Variants in CRYGA observed in about 807,000 individuals in gnomAD.
CRYGA encodes gamma-crystallin A.
A neutral mutation model predicts 13.8 loss-of-function variants in CRYGA; 11 were observed. The ratio of observed to expected loss-of-function variants is 0.80; its 90% confidence interval spans 0.50 to 1.32. The LOEUF (loss-of-function observed/expected upper bound fraction) is 1.32. Ranked by LOEUF, CRYGA falls within the 40% of genes most tolerant of loss-of-function variation. The pLI is 0.00. For missense variants in CRYGA, 271 were observed against 234.1 expected, an observed-to-expected ratio of 1.16 and a Z score of -1.03; for synonymous variants, 97 against 89.3, an observed-to-expected ratio of 1.09 and a Z score of -0.48.
chr2:208,160,915 G>T lies in CRYGA; in HGVS notation c.414C>A (p.Asn138Lys). 1 of 1,613,286 alleles carries T rather than the reference G, an allele frequency of 6.2e-7. No individual in the cohort carries two copies. Among genetic ancestry groups the T allele is most frequent in the Non-Finnish European group, 8.5e-7 (1 of 1,179,338 alleles). ...EGCWVLYEMP[N>K]YRGRQYLLRP... The stretch of plus-strand genomic sequence containing the variant: ...TCAGCAGATACTGCCGCCCCCGGTA[G>T]TTGGGCATTTCATAGAGGACCCAGC... The change falls in exon 3 of 3, where the codon AAC becomes AAA. Residue 138 changes from asparagine to lysine, a missense_variant. Physicochemically the swap from Asn to Lys is moderately conservative, Grantham distance 94. Transcript: ENST00000304502.
At chr2:208,161,961 G>A (rs538827819) in intron 2 of CRYGA, among the ~76,000 whole-genome samples, 12 of 150,924 alleles carry the variant, frequency 8.0e-5, no homozygotes, top group African/African-American at 1.2e-4. Context: ...TTTTTTAGAC[G>A]AAGTCTCGCT....
chr2:208,163,052 C>CT (rs541244627), intron 2 of CRYGA, 152 bp downstream of exon 2: 17,454 of 494,070 alleles, frequency 0.035, 1 homozygote, highest in East Asian at 0.054. Context: ...ATTATTGTTA[C>CT]TTTTTTTTTT....
rs1215147970 is a variant in CRYGA, at chr2:208,163,572, G to T, written c.-16C>A. ...CCTTCCCCATGGTTGTTGACAGAGG[G>T]TGATTAGCATCTAGTATGATAGGGA... is the stretch of plus-strand genomic sequence containing the variant. On this transcript the variant is annotated 5_prime_UTR_variant, in exon 1 of 3. Transcript: ENST00000304502. 6.2e-6 allele frequency: 10 copies of T among 1,609,124 alleles called. No homozygotes were observed. The highest frequency in any genetic ancestry group is 8.5e-6 in the Non-Finnish European group (10 of 1,178,554).
At position 208,163,269 on chromosome 2, in the gene CRYGA, A is replaced by G; in HGVS notation, c.187T>C (p.Tyr63His). 1.9e-6 allele frequency: 3 copies of G among 1,614,050 alleles called. No homozygotes were observed. The highest frequency in any genetic ancestry group is 1.1e-5 in the South Asian group (1 of 91,070). ...CCCATCCAGTGCTGATAGTCGGGGT[A>G]CTTGCCTCGGCGCAGGAAGTACTGG... ...GHQYFLRRGK[Y>H]PDYQHWMGLS... is the part of the protein sequence containing the mutation. The change falls in exon 2 of 3, where the codon TAC (tyrosine) becomes CAC (histidine). Residue 63 changes from tyrosine to histidine, a missense_variant. Transcript: ENST00000304502.
chr2:208,163,223 G>T lies in CRYGA; in HGVS notation c.233C>A (p.Ser78Tyr). The T allele has an allele frequency of 1.2e-6, 2 of 1,613,576 alleles. No individual in the cohort carries two copies. Among genetic ancestry groups the T allele is most frequent in the Non-Finnish European group, 1.7e-6 (2 of 1,179,884 alleles). ...ACTCACATGAGGAATTATACGGCAGGATTGGACCGAGTCGCTGAGGCCCAT... is the reference window on the plus strand; with the variant it reads ...ACTCACATGAGGAATTATACGGCAGTATTGGACCGAGTCGCTGAGGCCCAT... Reference protein sequence around the residue: ...HWMGLSDSVQSCRIIPHTSSH... With the variant: ...HWMGLSDSVQYCRIIPHTSSH... The change falls in exon 2 of 3, where the codon TCC becomes TAC. Residue 78 changes from serine to tyrosine, a missense_variant. Coordinates refer to ENST00000304502, the MANE Select transcript of CRYGA (RefSeq NM_014617.4).
In CRYGA at chr2:208,163,397, A is replaced by T. The variant is rs943644658; in HGVS notation, c.59T>A (p.Ile20Asn). ...GACCCGCAGGTTGGGGCAGTCACTG[A>T]TGCAATTGTAGCAGCGACCCTGAAA... Reference protein sequence around the residue: ...RDFQGRCYNCISDCPNLRVYF... With the variant: ...RDFQGRCYNCNSDCPNLRVYF... Residue 20 changes from isoleucine to asparagine, a missense_variant, in exon 2 of 3, where the codon ATC (isoleucine) becomes AAC (asparagine). By Grantham distance (149) the Ile-to-Asn change is moderately radical. Transcript: ENST00000304502. 1 of 1,613,874 alleles carries T rather than the reference A, an allele frequency of 6.2e-7. No individual in the cohort carries two copies.
At chr2:208,161,110 A>G (rs753780147) in intron 2 of CRYGA, 34 bp from the exon 3 acceptor site, 1 of 1,603,994 alleles carries the variant, frequency 6.2e-7, no homozygotes, top group South Asian at 1.1e-5. Flanking sequence ...ACAAAAATAA[A>G]CAGCATGCAT....
chr2:208,163,156 C>T, intron 2 of CRYGA, 48 bp downstream of exon 2: 1 of 1,520,208 alleles, frequency 6.6e-7, no homozygotes, highest in Non-Finnish European at 9.1e-7. Context: ...AATTGATGGC[C>T]ATGGATCATT....
At position 208,160,927 on chromosome 2, in the gene CRYGA, A is replaced by G. The variant is rs1322675717; in HGVS notation, c.402T>C (p.Tyr134=). Residue 134 remains tyrosine, a synonymous_variant, in exon 3 of 3, where the codon TAT becomes TAC. Transcript: ENST00000304502. ...LHVLEGCWVL[Y]EMPNYRGRQY... ...GCCGCCCCCGGTAGTTGGGCATTTC[A>G]TAGAGGACCCAGCAGCCCTCCAGTA... 2.5e-6 allele frequency: 4 copies of G among 1,613,822 alleles called. No homozygotes were observed. Among genetic ancestry groups the G allele is most frequent in the Non-Finnish European group, 3.4e-6 (4 of 1,179,860 alleles).
At chr2:208,162,516 T>C (rs1027869107) in intron 2 of CRYGA, among the ~76,000 whole-genome samples, 10 of 152,208 alleles carry the variant, frequency 6.6e-5, no homozygotes, top group Admixed American at 5.9e-4. Context: ...CAGAATACAT[T>C]ATACCTATAT....
At chr2:208,163,036 A>G (rs1323311407) in intron 2 of CRYGA, among the ~76,000 whole-genome samples, 168 bp downstream of exon 2, 1 of 151,966 alleles carries the variant, frequency 6.6e-6, no homozygotes, top group Non-Finnish European at 1.5e-5. Context: ...AGTAAGAAAA[A>G]TAGAGATTAT....
rs1406187708 is a variant in CRYGA at position 208,162,273 on chromosome 2, T to G, written c.252+931A>C. Among the ~76,000 whole-genome samples the G allele has an allele frequency of 5.2e-4, 79 of 152,260 alleles. 1 individual carries two copies. The highest frequency in any genetic ancestry group is 5.2e-3 in the Admixed American group (79 of 15,298). Reference sequence around the variant, plus strand: ...TCTTGAATCTCCTTGTCACACTACATAATTTGGTGCCAACAGAAAGTGTAA... The same window carrying G: ...TCTTGAATCTCCTTGTCACACTACAGAATTTGGTGCCAACAGAAAGTGTAA... On this transcript the variant is annotated intron_variant, in intron 2 of 2. Transcript: ENST00000304502.
At chr2:208,162,558 T>C (rs1019458650) in intron 2 of CRYGA, among the ~76,000 whole-genome samples, 5 of 152,188 alleles carry the variant, frequency 3.3e-5, no homozygotes, top group Non-Finnish European at 7.3e-5. Flanking sequence ...CTTTTCATCA[T>C]TAAAAAATAA....
At chr2:208,162,012 C>G (rs1418763634) in intron 2 of CRYGA, among the ~76,000 whole-genome samples, 2 of 152,156 alleles carry the variant, frequency 1.3e-5, no homozygotes, top group Non-Finnish European at 2.9e-5. Context: ...TCTCGGCTCA[C>G]TGCAACCTCC....
rs1421468096 is a variant in CRYGA at position 208,163,534 on chromosome 2, C to T, written c.9+14G>A. The T allele has an allele frequency of 1.2e-6, 2 of 1,610,934 alleles. No individual in the cohort carries two copies. The highest frequency in any genetic ancestry group is 1.1e-5 in the South Asian group (1 of 90,786). ...ACCCCCAATAGACATGGCACAGCACCTCCACAGGCTCACCTTCCCCATGGT... is the reference window on the plus strand; with the variant it reads ...ACCCCCAATAGACATGGCACAGCACTTCCACAGGCTCACCTTCCCCATGGT... On this transcript the variant is annotated intron_variant, in intron 1 of 2. Transcript: ENST00000304502.
At chr2:208,162,623 C>CCAGGTGGGTGGATCACCT (rs1559333098) in intron 2 of CRYGA, among the ~76,000 whole-genome samples, 1 of 151,234 alleles carries the variant, frequency 6.6e-6, no homozygotes, top group African/African-American at 2.4e-5. Flanking sequence ...TTTGGGAGGC[C>CCAGGTGGGTGGATCACCT]GAGGTCGGGA....
Position 208,163,576 on chromosome 2 carries a change from T to A in CRYGA, c.-20A>T. 1 of 1,608,400 alleles carries A rather than the reference T, an allele frequency of 6.2e-7. No individual in the cohort carries two copies. The highest frequency in any genetic ancestry group is 8.5e-7 in the Non-Finnish European group (1 of 1,178,334). On this transcript the variant is annotated 5_prime_UTR_variant, in exon 1 of 3. Transcript: ENST00000304502. ...CCCCATGGTTGTTGACAGAGGGTGA[T>A]TAGCATCTAGTATGATAGGGACAAA...
rs534202025 is a variant in CRYGA at position 208,163,474 on chromosome 2, C to G, written c.10-28G>C. 7.4e-5 allele frequency: 120 copies of G among 1,612,918 alleles called. 2 individuals carry two copies. The South Asian group carries it at 1.2e-3, about 17-fold the overall frequency. On this transcript the variant is annotated intron_variant, in intron 1 of 2. Coordinates refer to ENST00000304502, the MANE Select transcript of CRYGA (RefSeq NM_014617.4). ...GAGGTAGAAATAAGGTGACAGTAGA[C>G]AGTCAGCTGGAAGGAACATCCCCAC...
chr2:208,160,964 T>C lies in CRYGA; in HGVS notation c.365A>G (p.Tyr122Cys), dbSNP rs1253249952. The C allele has an allele frequency of 1.9e-6, 3 of 1,613,738 alleles. No individual in the cohort carries two copies. The highest frequency in any genetic ancestry group is 1.6e-4 in the Middle Eastern group (1 of 6,084). ...GCAGCCCTCCAGTACGTGGAGGGAA[T>C]AGATCTCAGGGAGACGGAACAGTTC... ...VPELFRLPEI[Y>C]SLHVLEGCWV... The change falls in exon 3 of 3, where the codon TAT (tyrosine) becomes TGT (cysteine). Residue 122 changes from tyrosine (Y) to cysteine (C), a missense_variant. Tyr to Cys is a radical substitution (Grantham distance 194). Transcript: ENST00000304502.
Sources: allele counts gnomAD v4.1 joint callset (sites outside exome capture counted in the v4.1 genomes callset), GRCh38; gene constraint gnomAD v4.1.1; transcripts MANE v1.5; gene names NCBI Gene and HGNC (gene_info 2026-07-23, HGNC 2026-07-21).